PAG1: variants seen among roughly 807,000 people sequenced by gnomAD.
The protein encoded by PAG1 is phosphoprotein associated with glycosphingolipid-enriched microdomains 1.
In PAG1, 23 loss-of-function variants were observed where a neutral mutation model predicts 31.7. The ratio of observed to expected loss-of-function variants is 0.73; its 90% CI spans 0.52 to 1.03. The LOEUF (loss-of-function observed/expected upper bound fraction) is 1.03. PAG1 is among the 50% of genes least tolerant of loss of function. PAG1 has a pLI of 0.00. For synonymous variants in PAG1, 214 were observed against 210.3 expected (o/e 1.02, Z -0.15); for missense variants, 473 against 540.7 (o/e 0.87, Z 1.24).
chr8:81,020,797 T>C (rs970014180), intron 3 of PAG1, among the ~76,000 whole-genome samples: 14 of 152,250 alleles, frequency 9.2e-5, no homozygotes, highest in African/African-American at 3.4e-4. Flanking sequence ...ATATATTGCA[T>C]ATATAATGCA....
rs575485609 is a variant in PAG1 at position 81,089,977 on chromosome 8, A to G, written c.-233-19807T>C. On this transcript the variant is annotated intron_variant, in intron 1 of 8. Transcript: ENST00000220597. ...CTCTCAATCCATAAACTCTGCATAT[A>G]TCTTTCCACTTACTCTTAGCTCTTT... Among the ~76,000 whole-genome samples the G allele has an allele frequency of 1.2e-3, 189 of 152,214 alleles. 2 individuals are homozygous for G. Among genetic ancestry groups the G allele is most frequent in the Non-Finnish European group, 2.4e-3 (166 of 68,018 alleles).
chr8:81,003,021 G>A (rs1321653389), intron 3 of PAG1, among the ~76,000 whole-genome samples: 1 of 152,206 alleles, frequency 6.6e-6, no homozygotes, highest in African/African-American at 2.4e-5. Flanking sequence ...CATGGTTCTT[G>A]TAGAATGGAA....
intron 3 of PAG1, among the ~76,000 whole-genome samples, chr8:81,028,227 G>T (rs573990608): frequency 6.6e-6 from 1 of 152,216 alleles, no homozygotes; most frequent in Non-Finnish European, 1.5e-5. Flanking sequence ...TCCAGTTCAC[G>T]GTTTGCATGC....
chr8:81,015,194 A>C (rs891215484), intron 3 of PAG1, among the ~76,000 whole-genome samples: 1 of 152,346 alleles, frequency 6.6e-6, no homozygotes, highest in South Asian at 2.1e-4. Flanking sequence ...CAATGTGTGG[A>C]TCAATCTAGA....
At chr8:81,050,877 A>G (rs375584869) in intron 2 of PAG1, among the ~76,000 whole-genome samples, 7 of 152,212 alleles carry the variant, frequency 4.6e-5, no homozygotes, top group Non-Finnish European at 8.8e-5. Flanking sequence ...ACACAAACTC[A>G]CTGCCTTCAG....
At chr8:81,061,675 A>C (rs994858970) in intron 2 of PAG1, among the ~76,000 whole-genome samples, 38 of 152,230 alleles carry the variant, frequency 2.5e-4, no homozygotes, top group African/African-American at 9.2e-4. Flanking sequence ...CAGGGTGAAC[A>C]AAACAGATGG....
At chr8:81,060,602 G>T (rs1314023405) in intron 2 of PAG1, among the ~76,000 whole-genome samples, 3 of 152,112 alleles carry the variant, frequency 2.0e-5, no homozygotes, top group Admixed American at 2.0e-4. Context: ...TGTACAAAAG[G>T]CTTTTGATAT....
At position 80,973,588 on chromosome 8, in the gene PAG1, TATA is replaced by T. The variant is rs1386710545; in HGVS notation, c.*2953_*2955del. ...TATTTTTAAATTTCACATAACCTGC[TATA>T]ATTCGCTGTAAAAAATGGATGTCAA... On this transcript the variant is annotated 3_prime_UTR_variant, in exon 9 of 9. Coordinates refer to ENST00000220597, the MANE Select transcript of PAG1 (RefSeq NM_018440.4). 1.3e-5 allele frequency: 2 copies of T among 152,252 alleles called. No homozygotes were observed. Among genetic ancestry groups the T allele is most frequent in the Non-Finnish European group, 2.9e-5 (2 of 68,048 alleles). The allele number at this position is 152,252 out of a possible 1,614,324, so 9.4% of individuals were successfully genotyped here.
At chr8:81,058,578 C>T (rs1808866168) in intron 2 of PAG1, 1 of 151,752 alleles carries the variant, frequency 6.6e-6, no homozygotes. Flanking sequence ...ACCTGGGCAC[C>T]AGAGCAAGAT....
intron 3 of PAG1, among the ~76,000 whole-genome samples, chr8:81,004,321 G>C (rs1203415430): frequency 1.3e-5 from 2 of 152,170 alleles, no homozygotes; most frequent in African/African-American, 2.4e-5. Context: ...TATGTGATAA[G>C]AGATTCTGGA....
intron 3 of PAG1, among the ~76,000 whole-genome samples, chr8:81,018,161 C>CA (rs1465254952): frequency 1.3e-5 from 2 of 152,174 alleles, no homozygotes; most frequent in East Asian, 3.8e-4. Context: ...AAGGCCTTAA[C>CA]ATAATTAGGT....
At position 81,055,228 on chromosome 8, in the gene PAG1, T is replaced by A. The variant is rs564221238; in HGVS notation, c.-175+14884A>T. ...ACAGGAATGTACCACCATGCCTGGCTAATTTTTAATTTTTTTTTACAGAGA... is the reference window on the plus strand; with the variant it reads ...ACAGGAATGTACCACCATGCCTGGCAAATTTTTAATTTTTTTTTACAGAGA... On this transcript the variant is annotated intron_variant, in intron 2 of 8. Transcript: ENST00000220597. Among the ~76,000 whole-genome samples the A allele has an allele frequency of 3.3e-5, 5 of 152,216 alleles. No homozygotes were observed. The East Asian group carries it at 9.7e-4, about 29-fold the overall frequency.
At chr8:80,999,339 T>G (rs1807743664) in intron 3 of PAG1, among the ~76,000 whole-genome samples, 1 of 152,170 alleles carries the variant, frequency 6.6e-6, no homozygotes, top group Non-Finnish European at 1.5e-5. Flanking sequence ...CTGCACTGAG[T>G]CAGGGGCAGA....
chr8:81,010,289 A>C (rs1406242672), intron 3 of PAG1, among the ~76,000 whole-genome samples: 4 of 152,180 alleles, frequency 2.6e-5, no homozygotes, highest in Non-Finnish European at 4.4e-5. Context: ...TCTATTCCAG[A>C]GGGTGGTATC....
intron 1 of PAG1, among the ~76,000 whole-genome samples, chr8:81,072,844 C>T (rs1354339093): frequency 6.6e-6 from 1 of 152,206 alleles, no homozygotes; most frequent in Admixed American, 6.5e-5. Flanking sequence ...GTTGTATTCT[C>T]AGCCCTGCAT....
At chr8:81,054,637 T>C (rs1808784628) in intron 2 of PAG1, among the ~76,000 whole-genome samples, 1 of 151,618 alleles carries the variant, frequency 6.6e-6, no homozygotes, top group Non-Finnish European at 1.5e-5. Context: ...GGTGCGCCAC[T>C]GCACTCCAGC....
In PAG1 at chr8:80,971,996, T is replaced by C. The variant is rs946010794; in HGVS notation, c.*4548A>G. 1 of 152,356 alleles carries C rather than the reference T, an allele frequency of 6.6e-6. No homozygotes were observed. The highest frequency in any genetic ancestry group is 1.9e-4 in the East Asian group (1 of 5,186). 9.4% of individuals were successfully genotyped at this position (152,356 alleles called of 1,614,324 possible). On this transcript the variant is annotated 3_prime_UTR_variant, in exon 9 of 9. Coordinates refer to ENST00000220597, the MANE Select transcript of PAG1 (RefSeq NM_018440.4). Reference sequence around the variant, plus strand: ...GTGTGTTCAACTGGCCTAAAGCCACTGTCAGGAAAAATGTATTTAGGAAAA... The same window carrying C: ...GTGTGTTCAACTGGCCTAAAGCCACCGTCAGGAAAAATGTATTTAGGAAAA...
chr8:81,071,446 A>G (rs1809091873), intron 1 of PAG1, among the ~76,000 whole-genome samples: 1 of 152,254 alleles, frequency 6.6e-6, no homozygotes, highest in South Asian at 2.1e-4. Context: ...GCTACTAAGC[A>G]TTATGGCTCA....
chr8:81,011,531 C>T (rs996055501), intron 3 of PAG1, among the ~76,000 whole-genome samples: 2 of 152,086 alleles, frequency 1.3e-5, no homozygotes, highest in African/African-American at 4.8e-5. Context: ...TCAGGTATGT[C>T]TTTATCAGCA....
Sources: allele counts gnomAD v4.1 joint callset (sites outside exome capture counted in the v4.1 genomes callset), GRCh38; gene constraint gnomAD v4.1.1; transcripts MANE v1.5; gene names NCBI Gene and HGNC (gene_info 2026-07-23, HGNC 2026-07-21).